Variants in EML4 observed in about 807,000 individuals in gnomAD.
EML4 encodes echinoderm microtubule-associated protein-like 4.
Under a neutral mutation model 129.0 loss-of-function variants are expected in EML4, and 72 were observed. The observed-to-expected ratio is 0.56, with a 90% CI of 0.46 to 0.68. EML4 has a LOEUF of 0.68. EML4 is among the 30% of genes least tolerant of loss of function. The pLI is 0.00. For missense variants in EML4, 1,363 were observed against 1,190.6 expected (o/e 1.14, Z -2.13); for synonymous variants, 532 against 405.0 (o/e 1.31, Z -3.77).
rs189927711 is a variant in EML4, at chr2:42,175,560, A to G, written c.25+5924A>G. On this transcript the variant is annotated intron_variant, in intron 1 of 22. Coordinates refer to ENST00000318522, the MANE Select transcript of EML4 (RefSeq NM_019063.5). ...GTCGCCCAGGCTGGAGTACAGTGGC[A>G]CAGTCTTGGCTCACTGCAACTTCTG... 7.4e-3 allele frequency among the ~76,000 whole-genome samples: 1,118 copies of G among 151,784 alleles called. 3 individuals are homozygous for G. Among genetic ancestry groups the G allele is most frequent in the Middle Eastern group, 0.017 (5 of 294 alleles).
At chr2:42,264,879 A>T (rs1174594978) in intron 6 of EML4, 148 bp downstream of exon 6, 1 of 1,545,192 alleles carries the variant, frequency 6.5e-7, no homozygotes, top group East Asian at 2.4e-5. Context: ...GAAAAAACCC[A>T]GTTTTTATTG....
At chr2:42,264,219 A>ATTCTCAGGTGT (rs1291689721) in intron 5 of EML4, among the ~76,000 whole-genome samples, 1 of 142,312 alleles carries the variant, frequency 7.0e-6, no homozygotes, top group Non-Finnish European at 1.5e-5. Context: ...GGCTCAGGTG[A>ATTCTCAGGTGT]TTCTCCTACC....
intron 17 of EML4, among the ~76,000 whole-genome samples, chr2:42,305,005 G>A (rs982900629): frequency 3.3e-5 from 5 of 152,144 alleles, no homozygotes; most frequent in Admixed American, 6.5e-5. Flanking sequence ...TGTAATCCCA[G>A]CTATTCTGGA....
intron 6 of EML4, among the ~76,000 whole-genome samples, chr2:42,265,289 G>A (rs1437028467): frequency 6.6e-6 from 1 of 152,134 alleles, no homozygotes; most frequent in African/African-American, 2.4e-5. Context: ...ATTTTTAGTA[G>A]AGACGGGGTT....
At chr2:42,248,462 A>G (rs1351397424) in intron 2 of EML4, among the ~76,000 whole-genome samples, 3 of 152,234 alleles carry the variant, frequency 2.0e-5, no homozygotes, top group Admixed American at 1.3e-4. Context: ...ATATAAATAC[A>G]GTTAACTAGC....
At chr2:42,325,637 T>TATATATATATATGC (rs1553397129) in intron 20 of EML4, 83 bp downstream of exon 20, 8 of 204,852 alleles carry the variant, frequency 3.9e-5, no homozygotes, top group Admixed American at 7.2e-5. Flanking sequence ...TATATATATA[T>TATATATATATATGC]ATGCTAAGAT....
intron 17 of EML4, 128 bp from the exon 18 acceptor site, chr2:42,315,834 G>A: frequency 1.5e-6 from 1 of 651,658 alleles, no homozygotes; most frequent in Non-Finnish European, 2.7e-6. Flanking sequence ...GGTGAGCTAG[G>A]ATCACTCCAT....
chr2:42,323,771 C>CA (rs11415234), intron 19 of EML4, among the ~76,000 whole-genome samples: 86,374 of 137,362 alleles, frequency 0.63, 27,365 homozygotes, highest in African/African-American at 0.78. Context: ...CCGTCTCTAC[C>CA]AAAAAAAAAA....
At position 42,295,228 on chromosome 2, in the gene EML4, A is replaced by G. The variant is rs140319582; in HGVS notation, c.1322A>G (p.Asn441Ser). 3.9e-5 allele frequency: 63 copies of G among 1,613,842 alleles called. No individual in the cohort carries two copies. In the African/African-American group the frequency reaches 8.0e-4, roughly 20 times the overall value. ...SHIFFWTWSG[N>S]SLTRKQGIFG... ...ATTTTCTTCTGGACCTGGAGCGGCAATTCACTAACAAGAAAACAGGGAATT... is the reference window on the plus strand; with the variant it reads ...ATTTTCTTCTGGACCTGGAGCGGCAGTTCACTAACAAGAAAACAGGGAATT... The change falls in exon 12 of 23, where the codon AAT becomes AGT. Residue 441 changes from asparagine (N) to serine (S), a missense_variant. Physicochemically the swap from Asn to Ser is conservative, Grantham distance 46 (BLOSUM62 1). Coordinates refer to ENST00000318522, the MANE Select transcript of EML4 (RefSeq NM_019063.5).
chr2:42,254,686 C>A (rs1676006780), intron 2 of EML4, among the ~76,000 whole-genome samples: 1 of 151,108 alleles, frequency 6.6e-6, no homozygotes, highest in Admixed American at 6.6e-5. Context: ...AATCCTCATA[C>A]ATTGCTAGTG....
intron 6 of EML4, among the ~76,000 whole-genome samples, chr2:42,265,442 G>T (rs924823688): frequency 6.6e-6 from 1 of 152,056 alleles, no homozygotes; most frequent in Non-Finnish European, 1.5e-5. Flanking sequence ...GTTTCACCGT[G>T]TTGGCCAGGC....
chr2:42,171,215 T>C (rs1328898613), intron 1 of EML4, among the ~76,000 whole-genome samples: 1 of 152,246 alleles, frequency 6.6e-6, no homozygotes, highest in East Asian at 1.9e-4. Context: ...GAAAAACTTG[T>C]CCTATATGTC....
At chr2:42,243,678 G>A (rs1016778671) in intron 1 of EML4, among the ~76,000 whole-genome samples, 5 of 152,198 alleles carry the variant, frequency 3.3e-5, no homozygotes, top group South Asian at 2.1e-4. Context: ...GACTGTCAGT[G>A]AAATACCAGT....
intron 10 of EML4, 138 bp downstream of exon 10, chr2:42,286,517 A>C: frequency 3.2e-6 from 2 of 632,520 alleles, no homozygotes; most frequent in South Asian, 3.7e-5. Context: ...CTAACATATT[A>C]GCTATTGCTA....
chr2:42,270,627 G>A (rs1481913602), intron 6 of EML4, among the ~76,000 whole-genome samples: 1 of 152,198 alleles, frequency 6.6e-6, no homozygotes, highest in Non-Finnish European at 1.5e-5. Context: ...ATATATAATA[G>A]CGGTGTCCTG....
At chr2:42,242,702 C>A (rs1042958151) in intron 1 of EML4, among the ~76,000 whole-genome samples, 1 of 150,256 alleles carries the variant, frequency 6.7e-6, no homozygotes, top group Non-Finnish European at 1.5e-5. Context: ...TTTCTCTTTT[C>A]TTTTCTTTCC....
chr2:42,213,205 A>G (rs1039539987), intron 1 of EML4, among the ~76,000 whole-genome samples: 10 of 152,180 alleles, frequency 6.6e-5, no homozygotes, highest in African/African-American at 2.4e-4. Flanking sequence ...ACAGATCACA[A>G]AACATTACCA....
chr2:42,231,062 T>C (rs1258336696), intron 1 of EML4, among the ~76,000 whole-genome samples: 1 of 152,198 alleles, frequency 6.6e-6, no homozygotes, highest in African/African-American at 2.4e-5. Flanking sequence ...CCATCTTCAA[T>C]CACATTCCTT....
chr2:42,324,101 C>T (rs1669665374), intron 19 of EML4, among the ~76,000 whole-genome samples: 1 of 152,018 alleles, frequency 6.6e-6, no homozygotes, highest in Non-Finnish European at 1.5e-5. Flanking sequence ...TCGAGACCAG[C>T]CTGGCCAACA....
Sources: gnomAD v4.1 joint callset for allele counts (sites outside exome capture counted in the v4.1 genomes callset) on GRCh38, gnomAD v4.1.1 for gene constraint, MANE v1.5 for transcripts, NCBI Gene and HGNC (gene_info 2026-07-23, HGNC 2026-07-21) for gene names.